MACROD2: variants seen among roughly 807,000 people sequenced by gnomAD.
The protein encoded by MACROD2 is ADP-ribose glycohydrolase MACROD2.
Under a neutral mutation model 70.4 loss-of-function variants are expected in MACROD2, and 36 were observed. The ratio of observed to expected loss-of-function variants is 0.51; its 90% confidence interval spans 0.39 to 0.68. The LOEUF is 0.68. MACROD2 is among the 30% of genes least tolerant of loss of function. The pLI, the probability that MACROD2 is intolerant of heterozygous loss-of-function variation, is 0.00. For synonymous variants in MACROD2, 172 were observed against 178.8 expected (o/e 0.96, Z 0.30); for missense variants, 496 against 538.4 (o/e 0.92, Z 0.78).
intron 3 of MACROD2, among the ~76,000 whole-genome samples, chr20:14,475,329 T>TTAAG (rs34934982): frequency 0.47 from 71,050 of 151,394 alleles, 17,132 homozygotes; most frequent in Non-Finnish European, 0.51. Context: ...CCATAATTAA[T>TTAAG]TAATATAATT....
chr20:15,899,323 C>G (rs1238205319), intron 10 of MACROD2, among the ~76,000 whole-genome samples: 1 of 151,778 alleles, frequency 6.6e-6, no homozygotes, highest in Non-Finnish European at 1.5e-5. Context: ...TACATATATA[C>G]ATATACATGT....
rs1262081913 is a variant in MACROD2, at chr20:14,870,928, C to T, written c.418+185969C>T. Among the ~76,000 whole-genome samples, 4 of 152,136 alleles carry T rather than the reference C, an allele frequency of 2.6e-5. No individual in the cohort carries two copies. The South Asian group carries it at 8.3e-4, about 32-fold the overall frequency. ...TTCACTTTGTTGATAGATTCCTTTG[C>T]TGTGCAGAAGCTCTTTAGTTTAATT... On this transcript the variant is annotated intron_variant, in intron 5 of 17. Coordinates refer to ENST00000684519, the MANE Select transcript of MACROD2 (RefSeq NM_001351661.2).
chr20:15,500,311 G>T (rs990459142), intron 8 of MACROD2, among the ~76,000 whole-genome samples: 9 of 152,154 alleles, frequency 5.9e-5, no homozygotes, highest in African/African-American at 2.2e-4. Context: ...AAGTGGGCTT[G>T]TATAATTGAT....
At chr20:14,759,032 C>T (rs1363837517) in intron 5 of MACROD2, among the ~76,000 whole-genome samples, 3 of 151,996 alleles carry the variant, frequency 2.0e-5, no homozygotes, top group Non-Finnish European at 2.9e-5. Flanking sequence ...TTCATTGTAC[C>T]TTGCTTAATT....
chr20:14,371,270 A>G (rs1342611926), intron 3 of MACROD2, among the ~76,000 whole-genome samples: 1 of 152,106 alleles, frequency 6.6e-6, no homozygotes, highest in African/African-American at 2.4e-5. Context: ...GGATCACTTG[A>G]GGCCAGGAGT....
chr20:14,058,681 G>A (rs897981316), intron 2 of MACROD2, among the ~76,000 whole-genome samples: 1 of 128,384 alleles, frequency 7.8e-6, no homozygotes, highest in Non-Finnish European at 1.6e-5. Flanking sequence ...GTCTCGCTCT[G>A]TCACCAGGCT....
intron 5 of MACROD2, among the ~76,000 whole-genome samples, chr20:15,039,510 T>C (rs1270443434): frequency 2.6e-5 from 4 of 152,146 alleles, no homozygotes; most frequent in Non-Finnish European, 4.4e-5. Flanking sequence ...GCCCTTCCAG[T>C]CTCCTTTACT....
intron 8 of MACROD2, among the ~76,000 whole-genome samples, chr20:15,509,113 A>G (rs34642807): frequency 1.1e-3 from 167 of 152,352 alleles, no homozygotes; most frequent in Middle Eastern, 6.8e-3. Flanking sequence ...ACCACTGTTT[A>G]TGATGAGAAT....
At chr20:14,673,362 A>C (rs2070818328) in intron 4 of MACROD2, among the ~76,000 whole-genome samples, 1 of 152,162 alleles carries the variant, frequency 6.6e-6, no homozygotes, top group Non-Finnish European at 1.5e-5. Flanking sequence ...ACGTGGAGGA[A>C]TGCTTCTCAA....
chr20:15,509,805 G>A (rs561455812), intron 8 of MACROD2, among the ~76,000 whole-genome samples: 1 of 152,326 alleles, frequency 6.6e-6, no homozygotes, highest in Admixed American at 6.5e-5. Flanking sequence ...GGGTGGGCAT[G>A]TCTCTTCTAG....
chr20:15,267,310 T>C (rs1276870571), intron 6 of MACROD2, among the ~76,000 whole-genome samples: 1 of 152,160 alleles, frequency 6.6e-6, no homozygotes, highest in Non-Finnish European at 1.5e-5. Flanking sequence ...AGGTCTCTGC[T>C]CAAATCTGGA....
intron 5 of MACROD2, among the ~76,000 whole-genome samples, chr20:14,978,861 A>T (rs1344843435): frequency 3.0e-5 from 4 of 131,972 alleles, no homozygotes; most frequent in Admixed American, 9.0e-5. Flanking sequence ...ATATATATAT[A>T]TAATATATTA....
intron 6 of MACROD2, among the ~76,000 whole-genome samples, chr20:15,307,505 A>G (rs546420001): frequency 1.1e-4 from 17 of 152,268 alleles, no homozygotes; most frequent in African/African-American, 4.1e-4. Flanking sequence ...ACACACACGT[A>G]TGTGTTTGAG....
chr20:15,220,412 C>T (rs921312650), intron 5 of MACROD2, among the ~76,000 whole-genome samples: 3 of 152,166 alleles, frequency 2.0e-5, no homozygotes, highest in East Asian at 3.9e-4. Flanking sequence ...GTGGAAGCAT[C>T]GAGTCACTGC....
chr20:15,051,790 C>T (rs2075443967), intron 5 of MACROD2, among the ~76,000 whole-genome samples: 2 of 150,992 alleles, frequency 1.3e-5, no homozygotes, highest in African/African-American at 2.4e-5. Context: ...TTCTCTGTCC[C>T]CGCCAGGCTG....
At chr20:14,725,735 C>T (rs1696520125) in intron 5 of MACROD2, among the ~76,000 whole-genome samples, 1 of 152,112 alleles carries the variant, frequency 6.6e-6, no homozygotes, top group South Asian at 2.1e-4. Context: ...ATAGAATATG[C>T]CTCAGAGTAG....
intron 5 of MACROD2, among the ~76,000 whole-genome samples, chr20:14,984,580 C>T (rs969185413): frequency 1.3e-5 from 2 of 152,016 alleles, no homozygotes; most frequent in Non-Finnish European, 2.9e-5. Context: ...AACTGCTAGA[C>T]GAACAGGGGT....
intron 3 of MACROD2, among the ~76,000 whole-genome samples, chr20:14,154,307 A>G (rs2055063064): frequency 6.6e-6 from 1 of 152,152 alleles, no homozygotes; most frequent in Admixed American, 6.5e-5. Flanking sequence ...GAATACCAGC[A>G]ACAAAGGGAA....
intron 8 of MACROD2, among the ~76,000 whole-genome samples, chr20:15,556,397 C>A (rs2048169879): frequency 1.3e-5 from 2 of 151,516 alleles, no homozygotes; most frequent in Admixed American, 6.6e-5. Context: ...TTTTTTTTCC[C>A]AAAATCTTTG....
Sources: allele counts gnomAD v4.1 joint callset (sites outside exome capture counted in the v4.1 genomes callset), GRCh38; gene constraint gnomAD v4.1.1; transcripts MANE v1.5; gene names NCBI Gene and HGNC (gene_info 2026-07-23, HGNC 2026-07-21).